NBEA: variants seen among roughly 807,000 people sequenced by gnomAD.
NBEA encodes lysosomal-trafficking regulator 2.
Under a neutral mutation model 343.4 loss-of-function variants are expected in NBEA, and 44 were observed. That is an observed-to-expected ratio of 0.13 (90% CI 0.10 to 0.16). The LOEUF is 0.16. Ranked by LOEUF, NBEA falls within the 10% of genes least tolerant of loss-of-function variation. NBEA has a pLI of 1.00. For synonymous variants in NBEA, 1,175 were observed against 1,238.7 expected (o/e 0.95, Z 1.08); for missense variants, 2,555 against 3,631.3 (o/e 0.70, Z 7.62).
At chr13:34,956,231 T>G (rs1341866745) in intron 1 of NBEA, among the ~76,000 whole-genome samples, 1 of 152,188 alleles carries the variant, frequency 6.6e-6, no homozygotes, top group Non-Finnish European at 1.5e-5. Context: ...ATTTTAACAT[T>G]TGGCATTTAC....
chr13:35,350,728 ATG>A (rs34088295), intron 37 of NBEA, among the ~76,000 whole-genome samples: 6,388 of 137,736 alleles, frequency 0.046, 150 homozygotes, highest in Admixed American at 0.064. Context: ...AGAGCTATTG[ATG>A]TGTGTGTGTG....
intron 36 of NBEA, among the ~76,000 whole-genome samples, chr13:35,345,613 A>T (rs143915144): frequency 1.3e-3 from 201 of 152,138 alleles, no homozygotes; most frequent in African/African-American, 4.7e-3. Context: ...GAGAAAGGAG[A>T]CCAGTGTGTT....
At chr13:35,271,440 T>A (rs945363664) in intron 34 of NBEA, among the ~76,000 whole-genome samples, 1 of 152,142 alleles carries the variant, frequency 6.6e-6, no homozygotes, top group African/African-American at 2.4e-5. Flanking sequence ...AAAATCAGAA[T>A]GCCTCTGCTC....
At chr13:34,970,899 G>A (rs2059977649) in intron 1 of NBEA, among the ~76,000 whole-genome samples, 1 of 151,956 alleles carries the variant, frequency 6.6e-6, no homozygotes, top group Admixed American at 6.6e-5. Flanking sequence ...GTTTTTTTCT[G>A]GTTCTGTGAA....
rs1251777612 is a variant in NBEA, at chr13:35,056,202, TAATAA to T, written c.1092+78_1092+82del. ...ATCTATCATTACAATATGAATTAAATAATAAAATAGTTTGGTAGAAGCTTAAAACT... is the reference window on the plus strand; with the variant it reads ...ATCTATCATTACAATATGAATTAAATAATAGTTTGGTAGAAGCTTAAAACT... On this transcript the variant is annotated intron_variant, in intron 7 of 58. Transcript: ENST00000379939. 1.3e-5 allele frequency: 16 copies of T among 1,219,652 alleles called. No individual in the cohort carries two copies. In the East Asian group the frequency reaches 4.5e-4, roughly 35 times the overall value. The allele number at this position is 1,219,652 out of a possible 1,614,324, so 75.6% of individuals were successfully genotyped here. A position where few individuals can be genotyped will look rare whatever the true frequency, so the allele number is the denominator to read the frequency against.
intron 1 of NBEA, among the ~76,000 whole-genome samples, chr13:35,015,240 G>A (rs752089238): frequency 1.3e-5 from 2 of 150,094 alleles, no homozygotes; most frequent in Non-Finnish European, 2.9e-5. Flanking sequence ...TCTGTGAGAA[G>A]CTATTACAGG....
At chr13:35,393,674 G>A (rs1027246700) in intron 38 of NBEA, among the ~76,000 whole-genome samples, 2 of 151,964 alleles carry the variant, frequency 1.3e-5, no homozygotes, top group African/African-American at 4.8e-5. Context: ...TGGTACCAAT[G>A]ATATCCAAAT....
intron 10 of NBEA, among the ~76,000 whole-genome samples, chr13:35,084,500 C>T (rs1413070808): frequency 4.6e-5 from 7 of 151,970 alleles, no homozygotes; most frequent in Admixed American, 2.0e-4. Flanking sequence ...AATAATGAAA[C>T]GAAGGTATAA....
intron 36 of NBEA, among the ~76,000 whole-genome samples, chr13:35,320,705 C>T (rs573497918): frequency 1.3e-5 from 2 of 152,252 alleles, no homozygotes; most frequent in East Asian, 1.9e-4. Flanking sequence ...AACTTGGTTC[C>T]GTTTTCCCCA....
At chr13:35,616,620 A>G (rs1335725161) in intron 48 of NBEA, among the ~76,000 whole-genome samples, 1 of 152,246 alleles carries the variant, frequency 6.6e-6, no homozygotes, top group African/African-American at 2.4e-5. Flanking sequence ...GAAAAATTGT[A>G]TAATACTATA....
chr13:35,652,045 CT>C (rs2084549787), intron 53 of NBEA, among the ~76,000 whole-genome samples, 169 bp downstream of exon 53: 1 of 152,018 alleles, frequency 6.6e-6, no homozygotes, highest in Non-Finnish European at 1.5e-5. Context: ...CATCTAAGAA[CT>C]TTTTGGTATT....
chr13:35,493,479 A>G (rs2076568991), intron 41 of NBEA, among the ~76,000 whole-genome samples: 3 of 152,060 alleles, frequency 2.0e-5, no homozygotes, highest in Admixed American at 6.6e-5. Flanking sequence ...ACTTTAGTAT[A>G]TCTGTTTCCA....
intron 10 of NBEA, among the ~76,000 whole-genome samples, chr13:35,084,713 G>A (rs1303725370): frequency 6.6e-6 from 1 of 151,898 alleles, no homozygotes; most frequent in Admixed American, 6.6e-5. Flanking sequence ...GCTAGCAGAA[G>A]GCAAGAAATA....
chr13:35,059,116 T>G (rs1253829160), intron 8 of NBEA, among the ~76,000 whole-genome samples: 1 of 152,026 alleles, frequency 6.6e-6, no homozygotes, highest in South Asian at 2.1e-4. Context: ...TAATAGATCT[T>G]ATAAAACTGT....
intron 41 of NBEA, among the ~76,000 whole-genome samples, chr13:35,473,271 T>C (rs1038900309): frequency 1.3e-5 from 2 of 152,184 alleles, no homozygotes; most frequent in East Asian, 1.9e-4. Context: ...TACTGTGCAA[T>C]TTGCAAACTT....
At chr13:35,027,809 T>C (rs558109203) in intron 1 of NBEA, among the ~76,000 whole-genome samples, 1 of 152,088 alleles carries the variant, frequency 6.6e-6, no homozygotes, top group South Asian at 2.1e-4. Context: ...TTTTATATTT[T>C]ACATTTAAAC....
intron 44 of NBEA, among the ~76,000 whole-genome samples, chr13:35,556,102 A>T (rs1406986969): frequency 6.6e-6 from 1 of 152,036 alleles, no homozygotes; most frequent in Non-Finnish European, 1.5e-5. Context: ...CAATACATTC[A>T]TGTATATATA....
At chr13:35,178,524 C>T (rs1303810532) in intron 28 of NBEA, among the ~76,000 whole-genome samples, 2 of 151,508 alleles carry the variant, frequency 1.3e-5, no homozygotes, top group African/African-American at 4.8e-5. Flanking sequence ...GAAGTACTTA[C>T]ATTAACAAGT....
At chr13:35,189,083 T>C (rs944591700) in intron 30 of NBEA, among the ~76,000 whole-genome samples, 2 of 151,870 alleles carry the variant, frequency 1.3e-5, no homozygotes, top group Non-Finnish European at 2.9e-5. Context: ...CATGCTGGGC[T>C]AATTTTTGTA....
Sources: allele counts gnomAD v4.1 joint callset (sites outside exome capture counted in the v4.1 genomes callset), GRCh38; gene constraint gnomAD v4.1.1; transcripts MANE v1.5; gene names NCBI Gene and HGNC (gene_info 2026-07-23, HGNC 2026-07-21).